The following IKZF2 variants were observed in gnomAD, a reference collection of about 807,000 sequenced individuals.
The protein encoded by IKZF2 is zinc finger protein Helios.
Under a neutral mutation model 49.2 loss-of-function variants are expected in IKZF2, and 15 were observed. The ratio of observed to expected loss-of-function variants is 0.30; its 90% confidence interval spans 0.20 to 0.47. The LOEUF is 0.47. Among genes scored for constraint, IKZF2 ranks in the 20% least tolerant of loss-of-function variants. IKZF2 has a pLI of 1.00. For synonymous variants in IKZF2, 227 were observed against 221.4 expected (o/e 1.03, Z -0.23); for missense variants, 567 against 664.6 (o/e 0.85, Z 1.61).
intron 8 of IKZF2, among the ~76,000 whole-genome samples, chr2:213,010,184 A>G (rs184596735): frequency 6.6e-6 from 1 of 152,086 alleles, no homozygotes; most frequent in Non-Finnish European, 1.5e-5. Context: ...AATAATGTCC[A>G]GTAAGTTTAG....
intron 4 of IKZF2, among the ~76,000 whole-genome samples, chr2:213,078,527 CG>C (rs1422044292): frequency 6.6e-6 from 1 of 152,108 alleles, no homozygotes; most frequent in Non-Finnish European, 1.5e-5. Context: ...CCCCAGTAAA[CG>C]TACAAGAAAA....
chr2:213,150,414 G>C (rs919265056), intron 1 of IKZF2, 167 bp from the exon 2 acceptor site: 2 of 269,902 alleles, frequency 7.4e-6, no homozygotes, highest in African/African-American at 4.7e-5. Flanking sequence ...CAAACAGATC[G>C]GCTGATAAAC....
chr2:213,049,130 T>C (rs912947844), intron 6 of IKZF2, among the ~76,000 whole-genome samples: 2 of 152,046 alleles, frequency 1.3e-5, no homozygotes, highest in Non-Finnish European at 2.9e-5. Context: ...ATATTCTACA[T>C]TTTTTAAATG....
intron 8 of IKZF2, among the ~76,000 whole-genome samples, chr2:213,010,677 G>A (rs1017598709): frequency 3.3e-5 from 5 of 152,030 alleles, no homozygotes; most frequent in African/African-American, 1.2e-4. Context: ...ATACATGTGT[G>A]TGTGAGACCC....
At chr2:213,102,615 T>C (rs1441222762) in intron 4 of IKZF2, among the ~76,000 whole-genome samples, 2 of 149,496 alleles carry the variant, frequency 1.3e-5, no homozygotes, top group African/African-American at 2.5e-5. Context: ...AAATAATGCA[T>C]AAAAATCCAC....
chr2:213,045,401 A>T (rs1283664094), intron 6 of IKZF2, among the ~76,000 whole-genome samples: 1 of 152,234 alleles, frequency 6.6e-6, no homozygotes, highest in Admixed American at 6.5e-5. Flanking sequence ...TAACAAAGAT[A>T]ATCAGAAGCA....
intron 4 of IKZF2, among the ~76,000 whole-genome samples, chr2:213,061,624 G>A (rs1701702973): frequency 6.6e-6 from 1 of 151,266 alleles, no homozygotes; most frequent in South Asian, 2.1e-4. Flanking sequence ...AGCCAATAAA[G>A]AACAAAGACA....
chr2:213,058,858 A>G (rs994130755), intron 4 of IKZF2, among the ~76,000 whole-genome samples: 9 of 151,882 alleles, frequency 5.9e-5, no homozygotes, highest in African/African-American at 2.2e-4. Context: ...ATTACATATG[A>G]AGTTCTTTTG....
At chr2:213,107,289 T>C (rs1212542475) in intron 4 of IKZF2, among the ~76,000 whole-genome samples, 1 of 152,194 alleles carries the variant, frequency 6.6e-6, no homozygotes, top group Non-Finnish European at 1.5e-5. Flanking sequence ...CAAAGAATTA[T>C]ATATTTCTTG....
In IKZF2 at chr2:213,043,694, C is replaced by G. The variant is rs1025637464; in HGVS notation, c.574+6019G>C. ...CATTAGATTCTCATAAGGAGCACAC[C>G]AAGTAGGTCCCTTGCATGCGCAGTT... On this transcript the variant is annotated intron_variant, in intron 6 of 8. Transcript: ENST00000434687. Among the ~76,000 whole-genome samples the G allele has an allele frequency of 2.0e-5, 3 of 152,182 alleles. 1 individual carries two copies. The highest frequency in any genetic ancestry group is 4.4e-5 in the Non-Finnish European group (3 of 67,998).
intron 4 of IKZF2, among the ~76,000 whole-genome samples, chr2:213,098,915 AG>A (rs1706321417): frequency 6.6e-6 from 1 of 152,194 alleles, no homozygotes. Context: ...AGTGCCTTCA[AG>A]GGCAGCAGAG....
intron 7 of IKZF2, among the ~76,000 whole-genome samples, chr2:213,016,240 A>G (rs72946458): frequency 0.22 from 33,697 of 152,000 alleles, 4,121 homozygotes; most frequent in Non-Finnish European, 0.26. Context: ...TACCATCTTC[A>G]CTGTACAGAT....
intron 4 of IKZF2, among the ~76,000 whole-genome samples, chr2:213,111,550 T>TCAA (rs1476429208): frequency 6.6e-6 from 1 of 152,046 alleles, no homozygotes; most frequent in African/African-American, 2.4e-5. Context: ...TATCAAATTT[T>TCAA]TATAATCTTA....
At chr2:213,097,671 C>T (rs1706175074) in intron 4 of IKZF2, among the ~76,000 whole-genome samples, 1 of 152,056 alleles carries the variant, frequency 6.6e-6, no homozygotes, top group African/African-American at 2.4e-5. Flanking sequence ...AATTGTGACT[C>T]CTATATTACG....
At chr2:213,086,137 A>G (rs2125603757) in intron 4 of IKZF2, among the ~76,000 whole-genome samples, 1 of 152,300 alleles carries the variant, frequency 6.6e-6, no homozygotes, top group South Asian at 2.1e-4. Context: ...TTGGAAAAAA[A>G]CTTTTGAATT....
intron 3 of IKZF2, among the ~76,000 whole-genome samples, chr2:213,148,203 T>G (rs1370134687): frequency 1.3e-5 from 2 of 152,176 alleles, no homozygotes; most frequent in African/African-American, 4.8e-5. Context: ...TAAAGAAATG[T>G]CAAGTTAGGA....
intron 5 of IKZF2, among the ~76,000 whole-genome samples, chr2:213,055,118 C>T (rs1701018587): frequency 6.6e-6 from 1 of 151,906 alleles, no homozygotes; most frequent in South Asian, 2.1e-4. Context: ...ACATTGCATG[C>T]AATTCAACTG....
chr2:213,012,195 TAAAG>T (rs1696039279), intron 8 of IKZF2, among the ~76,000 whole-genome samples: 2 of 151,956 alleles, frequency 1.3e-5, no homozygotes, highest in African/African-American at 4.8e-5. Flanking sequence ...AGAATCCAAA[TAAAG>T]AAAAATATTC....
intron 4 of IKZF2, among the ~76,000 whole-genome samples, chr2:213,102,335 T>C (rs1437773349): frequency 1.3e-5 from 2 of 151,942 alleles, no homozygotes; most frequent in Non-Finnish European, 2.9e-5. Flanking sequence ...GCTCTTGAAA[T>C]AGAAAAAGAA....
Sources: gnomAD v4.1 joint callset for allele counts (sites outside exome capture counted in the v4.1 genomes callset) on GRCh38, gnomAD v4.1.1 for gene constraint, MANE v1.5 for transcripts, NCBI Gene and HGNC (gene_info 2026-07-23, HGNC 2026-07-21) for gene names.